SLC25A29: variants seen among roughly 807,000 people sequenced by gnomAD.
SLC25A29 encodes the protein mitochondrial basic amino acids transporter.
In SLC25A29, 13 loss-of-function variants were observed where a neutral mutation model predicts 10.0. That is an observed-to-expected ratio of 1.30 (90% confidence interval 0.85 to 2.07). The LOEUF (loss-of-function observed/expected upper bound fraction) is 2.07, where lower values mean the gene tolerates loss of function less well. Ranked by LOEUF, SLC25A29 falls within the 30% of genes most tolerant of loss-of-function variation. The pLI, the probability that SLC25A29 is intolerant of heterozygous loss-of-function variation, is 0.00. For missense variants in SLC25A29, 475 were observed against 447.6 expected, an observed-to-expected ratio of 1.06 and a Z score of -0.55; for synonymous variants, 244 against 221.1, an observed-to-expected ratio of 1.10 and a Z score of -0.92.
intron 3 of SLC25A29, 99 bp from the exon 4 acceptor site, chr14:100,293,131 G>T (rs935619697): frequency 4.1e-6 from 6 of 1,453,798 alleles, no homozygotes; most frequent in Admixed American, 4.7e-5. Context: ...CCACCCCAGG[G>T]GCTCCTGAGG....
chr14:100,286,006 G>A, the SLC25A29 span, among the ~76,000 whole-genome samples: 4 of 152,082 alleles, frequency 2.6e-5, no homozygotes, highest in African/African-American at 4.8e-5. Context: ...CGTGGCGGGG[G>A]CTCCTACCAT....
chr14:100,298,786 T>C (rs1267720680), intron 2 of SLC25A29, 56 bp downstream of exon 2: 3 of 1,611,934 alleles, frequency 1.9e-6, no homozygotes, highest in African/African-American at 1.3e-5. Flanking sequence ...ACCCCAACCC[T>C]GTGAGCCTCT....
downstream of SLC25A29, among the ~76,000 whole-genome samples, chr14:100,287,747 A>T (rs1891574070): frequency 1.3e-5 from 2 of 150,618 alleles, 1 homozygote; most frequent in South Asian, 4.2e-4. Context: ...GGTCTTCAAA[A>T]CATAAATTGG....
In SLC25A29 at chr14:100,292,297, G is replaced by A. The variant is rs948217322; in HGVS notation, c.898C>T (p.Pro300Ser). ...CGGGGTGAGCGTCACAGGCTGGAGG[G>A]CTGCGCCAGGGCAGGCCCCGCAGGG... ...AAPAGPALAQ[P>S]SSL Residue 300 changes from proline (P) to serine (S), a missense_variant, in exon 4 of 4, where the codon CCC (proline) becomes TCC (serine). Pro to Ser is a moderately conservative substitution (Grantham distance 74). Coordinates refer to ENST00000359232, the MANE Select transcript of SLC25A29 (RefSeq NM_001039355.3). The A allele has an allele frequency of 2.0e-6, 3 of 1,529,958 alleles. No individual in the cohort carries two copies. Among genetic ancestry groups the A allele is most frequent in the East Asian group, 2.5e-5 (1 of 40,026 alleles). The allele number at this position is 1,529,958 out of a possible 1,614,324, so 94.8% of individuals were successfully genotyped here. A position where few individuals can be genotyped will look rare whatever the true frequency, so the allele number is the denominator to read the frequency against.
rs143389131 is a variant in SLC25A29, at chr14:100,292,706, G to A, written c.489C>T (p.Pro163=). 2.4e-5 allele frequency: 38 copies of A among 1,603,406 alleles called. No homozygotes were observed. The African/African-American group carries it at 4.9e-4, about 21-fold the overall frequency. The change falls in exon 4 of 4, where the codon CCC becomes CCT. Residue 163 remains proline, a synonymous_variant. Coordinates refer to ENST00000359232, the MANE Select transcript of SLC25A29 (RefSeq NM_001039355.3). ...AGGTGAGGAAGTAGACGCCGAAGCT[G>A]GGCGTCTCACGCAGCAACGTGGACA... ...GMVSTLLRET[P]SFGVYFLTYD...
At chr14:100,287,771 C>G (rs1301411890), downstream of SLC25A29, among the ~76,000 whole-genome samples, 1 of 152,092 alleles carries the variant, frequency 6.6e-6, no homozygotes. Context: ...CTGTCACTCC[C>G]CTGGGTAAAA....
chr14:100,298,610 C>T (rs996300744), intron 2 of SLC25A29: 10 of 597,822 alleles, frequency 1.7e-5, no homozygotes, highest in African/African-American at 1.5e-4. Flanking sequence ...AACCTCAGCA[C>T]CTCGGTTCCA....
Position 100,292,577 on chromosome 14 carries a change from A to G in SLC25A29, c.618T>C (p.Ser206=), listed in dbSNP as rs2139668984. 1 of 1,603,668 alleles carries G rather than the reference A, an allele frequency of 6.2e-7. No individual in the cohort carries two copies. Among genetic ancestry groups the G allele is most frequent in the East Asian group, 2.3e-5 (1 of 44,364 alleles). ...GGTSGIVSWL[S]TYPVDVVKSR... ...ACTTGACCACGTCCACAGGATAGGT[A>G]GAGAGCCAGGACACGATGCCTGACG... The change falls in exon 4 of 4, where the codon TCT becomes TCC. Residue 206 remains serine (S), a synonymous_variant. Coordinates refer to ENST00000359232, the MANE Select transcript of SLC25A29 (RefSeq NM_001039355.3).
chr14:100,292,574 G>C lies in SLC25A29; in HGVS notation c.621C>G (p.Thr207=). 1 of 1,603,624 alleles carries C rather than the reference G, an allele frequency of 6.2e-7. No homozygotes were observed. The highest frequency in any genetic ancestry group is 8.5e-7 in the Non-Finnish European group (1 of 1,176,066). ...GCGACTTGACCACGTCCACAGGATA[G>C]GTAGAGAGCCAGGACACGATGCCTG... The part of the protein sequence containing the change: ...GTSGIVSWLS[T]YPVDVVKSRL... The change falls in exon 4 of 4, where the codon ACC becomes ACG. Residue 207 remains threonine (T), a synonymous_variant. Coordinates refer to ENST00000359232, the MANE Select transcript of SLC25A29 (RefSeq NM_001039355.3).
At chr14:100,299,833 A>G (rs1317373436) in intron 1 of SLC25A29, 1 of 985,336 alleles carries the variant, frequency 1.0e-6, no homozygotes, top group East Asian at 1.1e-4. Flanking sequence ...GCGTTTATGT[A>G]TAATTAAAAC....
At chr14:100,287,523 T>C (rs1202263598), downstream of SLC25A29, among the ~76,000 whole-genome samples, 2 of 151,768 alleles carry the variant, frequency 1.3e-5, no homozygotes. Flanking sequence ...AGACTCTAGC[T>C]CCTGCCACAT....
chr14:100,293,593 G>C, intron 2 of SLC25A29: 1 of 579,102 alleles, frequency 1.7e-6, no homozygotes, highest in Non-Finnish European at 3.1e-6. Context: ...CAGGCTGCTG[G>C]AGACAGGGTA....
chr14:100,296,111 T>G, intron 2 of SLC25A29: 1 of 1,052,630 alleles, frequency 9.5e-7, no homozygotes, highest in Admixed American at 2.9e-5. Flanking sequence ...GCAATTATAT[T>G]CAACCAGGCA....
Position 100,306,268 on chromosome 14 carries a change from T to G in SLC25A29, c.-36A>C. ...CCGGCGAGGCCGCCTTTCCTCCTCG[T>G]CCTCCCCCTGAGGCCCCTCGCCGGG... On this transcript the variant is annotated 5_prime_UTR_variant, in exon 1 of 4. Transcript: ENST00000359232. 2 of 1,444,902 alleles carry G rather than the reference T, an allele frequency of 1.4e-6. No individual in the cohort carries two copies. Among genetic ancestry groups the G allele is most frequent in the South Asian group, 2.9e-5 (2 of 68,532 alleles). The allele number at this position is 1,444,902 out of a possible 1,614,324, so 89.5% of individuals were successfully genotyped here.
In SLC25A29 at chr14:100,292,461, C is replaced by A. The variant is rs755847838; in HGVS notation, c.734G>T (p.Arg245Leu). ...VHQSYRAEGW[R>L]VFTRGLASTL... ...GGACGCCAGCCCCCGTGTGAAGACG[C>A]GCCAGCCCTCGGCGCGGTAGCTCTG... The change falls in exon 4 of 4, where the codon CGC becomes CTC. Residue 245 changes from arginine to leucine, a missense_variant. By Grantham distance (102) the Arg-to-Leu change is moderately radical (BLOSUM62 -2). Coordinates refer to ENST00000359232, the MANE Select transcript of SLC25A29 (RefSeq NM_001039355.3). 10 of 1,579,488 alleles carry A rather than the reference C, an allele frequency of 6.3e-6. No individual in the cohort carries two copies. Among genetic ancestry groups the A allele is most frequent in the Non-Finnish European group, 8.6e-6 (10 of 1,164,762 alleles).
intron 2 of SLC25A29, chr14:100,298,118 TG>T (rs1044153578): frequency 3.9e-5 from 6 of 153,646 alleles, no homozygotes; most frequent in African/African-American, 1.4e-4. Context: ...CTTTGCTCAG[TG>T]GGAAGAGCGG....
rs1892347818 is a variant in SLC25A29 at position 100,298,846 on chromosome 14, A to G, written c.74T>C (p.Val25Ala). Residue 25 changes from valine (V) to alanine (A), a missense_variant, in exon 2 of 4, where the codon GTC becomes GCC. Coordinates refer to ENST00000359232, the MANE Select transcript of SLC25A29 (RefSeq NM_001039355.3). ...GVLVGHPFDT[V>A]KVRLQVQSVE... ...AAAAGCAGCGATGAGACTCACCTTG[A>G]CCGTGTCAAACGGGTGTCCCACAAG... is the stretch of plus-strand genomic sequence containing the variant. The G allele has an allele frequency of 6.2e-7, 1 of 1,614,072 alleles. No individual in the cohort carries two copies. The highest frequency in any genetic ancestry group is 8.5e-7 in the Non-Finnish European group (1 of 1,180,044).
rs769092011 is a variant in SLC25A29, at chr14:100,292,576, T to C, written c.619A>G (p.Thr207Ala). 1.9e-6 allele frequency: 3 copies of C among 1,602,716 alleles called. No individual in the cohort carries two copies. The highest frequency in any genetic ancestry group is 1.1e-5 in the South Asian group (1 of 89,750). Residue 207 changes from threonine to alanine, a missense_variant, in exon 4 of 4, where the codon ACC (threonine) becomes GCC (alanine). Thr to Ala is a moderately conservative substitution (Grantham distance 58). Transcript: ENST00000359232. ...GTSGIVSWLSTYPVDVVKSRL... is the reference protein window; with the variant it reads ...GTSGIVSWLSAYPVDVVKSRL... ...GACTTGACCACGTCCACAGGATAGG[T>C]AGAGAGCCAGGACACGATGCCTGAC...
chr14:100,303,655 T>C (rs1414274750), intron 1 of SLC25A29, among the ~76,000 whole-genome samples: 1 of 152,162 alleles, frequency 6.6e-6, no homozygotes, highest in Non-Finnish European at 1.5e-5. Flanking sequence ...TCACCACCTT[T>C]CTGAGCGCAC....
Sources: gnomAD v4.1 joint callset for allele counts (sites outside exome capture counted in the v4.1 genomes callset) on GRCh38, gnomAD v4.1.1 for gene constraint, MANE v1.5 for transcripts, NCBI Gene and HGNC (gene_info 2026-07-23, HGNC 2026-07-21) for gene names.